CRMP1: variants seen among roughly 807,000 people sequenced by gnomAD.
CRMP1 encodes dihydropyrimidinase-related protein 1.
CRMP1 carries 19 observed loss-of-function variants against 68.3 expected under a neutral mutation model. The ratio of observed to expected loss-of-function variants is 0.28; its 90% confidence interval spans 0.19 to 0.41. The LOEUF is 0.41. Among genes scored for constraint, CRMP1 ranks in the 10% least tolerant of loss-of-function variants. The probability of loss-of-function intolerance (pLI) is 1.00; values close to 1 mark genes in which losing one functional copy is unlikely to be tolerated. For missense variants in CRMP1, 791 were observed against 967.4 expected (o/e 0.82, Z 2.42); for synonymous variants, 439 against 399.6 (o/e 1.10, Z -1.18).
Position 5,872,037 on chromosome 4 carries a change from C to G in CRMP1, c.382-5281G>C, listed in dbSNP as rs907445687. Among the ~76,000 whole-genome samples the G allele has an allele frequency of 2.0e-5, 3 of 152,178 alleles. No homozygotes were observed. The highest frequency in any genetic ancestry group is 6.5e-5 in the Admixed American group (1 of 15,272). ...GGCTAGAGCCAAGGGTTCCTAATGGCCTGTCCAGCATTCCAGCCACCAAGC... is the reference window on the plus strand; with the variant it reads ...GGCTAGAGCCAAGGGTTCCTAATGGGCTGTCCAGCATTCCAGCCACCAAGC... On this transcript the variant is annotated intron_variant, in intron 1 of 13. Coordinates refer to ENST00000324989, the MANE Select transcript of CRMP1 (RefSeq NM_001014809.3). This position sits in a 1 kb window ranked among gnomAD's most constrained non-coding sequence, Gnocchi z 4.6.
chr4:5,840,730 C>G (rs1043129128), intron 8 of CRMP1, among the ~76,000 whole-genome samples: 1 of 152,204 alleles, frequency 6.6e-6, no homozygotes, highest in African/African-American at 2.4e-5. Flanking sequence ...TTACCCGCTC[C>G]CGGCTGGTAC....
chr4:5,857,248 A>G (rs1328080704), intron 3 of CRMP1, among the ~76,000 whole-genome samples: 3 of 151,622 alleles, frequency 2.0e-5, no homozygotes, highest in African/African-American at 7.3e-5. Flanking sequence ...CACCATCATC[A>G]TCATCACTAT....
chr4:5,869,797 C>G (rs1021716805), intron 1 of CRMP1, among the ~76,000 whole-genome samples: 2 of 151,978 alleles, frequency 1.3e-5, no homozygotes, highest in Admixed American at 1.3e-4. Context: ...GGTGGTACAT[C>G]TGGGAGGTGG....
chr4:5,888,214 CG>C lies in CRMP1; in HGVS notation c.381+4374del, dbSNP rs1192870277. On this transcript the variant is annotated intron_variant, in intron 1 of 13. Coordinates refer to ENST00000324989, the MANE Select transcript of CRMP1 (RefSeq NM_001014809.3). The surrounding 1 kb of genome is among the most constrained non-coding windows in gnomAD (Gnocchi z 6.4). ...AAAGGCCAGCGCGGGGCGGCGGGGG[CG>C]GGGGCCGCTTACCGTGATGTGCGGG... 6.3e-6 allele frequency: 8 copies of C among 1,263,736 alleles called. No homozygotes were observed. Among genetic ancestry groups the C allele is most frequent in the Non-Finnish European group, 6.0e-6 (6 of 1,000,018 alleles). 78.3% of individuals were successfully genotyped at this position (1,263,736 alleles called of 1,614,324 possible).
intron 9 of CRMP1, among the ~76,000 whole-genome samples, chr4:5,837,937 G>T (rs1443269304): frequency 6.6e-6 from 1 of 152,192 alleles, no homozygotes; most frequent in Non-Finnish European, 1.5e-5. Context: ...GCATGTGTCA[G>T]CTATACTGAG....
Position 5,879,657 on chromosome 4 carries a change from T to C in CRMP1, c.382-12901A>G, listed in dbSNP as rs1011010405. Among the ~76,000 whole-genome samples, 1 of 152,182 alleles carries C rather than the reference T, an allele frequency of 6.6e-6. No homozygotes were observed. On this transcript the variant is annotated intron_variant, in intron 1 of 13. Coordinates refer to ENST00000324989, the MANE Select transcript of CRMP1 (RefSeq NM_001014809.3). The surrounding 1 kb of genome is among the most constrained non-coding windows in gnomAD (Gnocchi z 4.2). ...GAACACTGTCCTATGAAGTTTAACATTCTATGCCAAATGCTCTAACATTCT... is the reference window on the plus strand; with the variant it reads ...GAACACTGTCCTATGAAGTTTAACACTCTATGCCAAATGCTCTAACATTCT...
chr4:5,865,957 G>T lies in CRMP1; in HGVS notation c.470+711C>A, dbSNP rs1489027228. Among the ~76,000 whole-genome samples, 1 of 152,142 alleles carries T rather than the reference G, an allele frequency of 6.6e-6. No individual in the cohort carries two copies. The highest frequency in any genetic ancestry group is 1.9e-4 in the East Asian group (1 of 5,184). On this transcript the variant is annotated intron_variant, in intron 2 of 13. Transcript: ENST00000324989. This position sits in a 1 kb window ranked among gnomAD's most constrained non-coding sequence, Gnocchi z 4.1. ...AGGAAGAACCTCAGGAAGAAGTTCA[G>T]GAAGGCCTCAGGAAGAACCAACCCT...
Position 5,892,646 on chromosome 4 carries a change from C to A in CRMP1, c.324G>T (p.Thr108=). 8.4e-7 allele frequency: 1 copy of A among 1,192,984 alleles called. No individual in the cohort carries two copies. The highest frequency in any genetic ancestry group is 1.0e-6 in the Non-Finnish European group (1 of 962,984). The allele number at this position is 1,192,984 out of a possible 1,614,324, so 73.9% of individuals were successfully genotyped here. ...GGGGCGCGGGGCGGCGGATGCGCAGCGTCGGCGGCCGCTCGTCGCGCTCTC... is the reference window on the plus strand; with the variant it reads ...GGGGCGCGGGGCGGCGGATGCGCAGAGTCGGCGGCCGCTCGTCGCGCTCTC... The part of the protein sequence containing the change: ...SPGERDERPP[T]LRIRRPAPRD... Residue 108 remains threonine, a synonymous_variant, in exon 1 of 14, where the codon ACG becomes ACT. Transcript: ENST00000324989. The surrounding 1 kb of genome is among the most constrained non-coding windows in gnomAD (Gnocchi z 8.6).
rs1185230868 is a variant in CRMP1 at position 5,877,919 on chromosome 4, C to T, written c.382-11163G>A. ...GGCCTGCACGCTGCATAGGGAAAGA[C>T]GATGCTAGCTGCATGTGTGATCGGT... is the stretch of plus-strand genomic sequence containing the variant. On this transcript the variant is annotated intron_variant, in intron 1 of 13. Coordinates refer to ENST00000324989, the MANE Select transcript of CRMP1 (RefSeq NM_001014809.3). The surrounding 1 kb of genome is among the most constrained non-coding windows in gnomAD (Gnocchi z 4.3). Among the ~76,000 whole-genome samples the T allele has an allele frequency of 1.3e-5, 2 of 152,210 alleles. No individual in the cohort carries two copies. Among genetic ancestry groups the T allele is most frequent in the Non-Finnish European group, 2.9e-5 (2 of 68,046 alleles).
chr4:5,837,978 G>C (rs748341551), intron 9 of CRMP1, among the ~76,000 whole-genome samples: 1 of 152,204 alleles, frequency 6.6e-6, no homozygotes, highest in Admixed American at 6.5e-5. Context: ...AAGCAGAGGC[G>C]AATGGGGCAC....
chr4:5,875,887 T>G (rs1225243141), intron 1 of CRMP1, among the ~76,000 whole-genome samples: 1 of 152,152 alleles, frequency 6.6e-6, no homozygotes, highest in Non-Finnish European at 1.5e-5. Flanking sequence ...GCGCGGTGGC[T>G]CACACCTGTA....
intron 11 of CRMP1, among the ~76,000 whole-genome samples, chr4:5,830,967 TTTGG>T (rs1367955554): frequency 6.6e-6 from 1 of 152,100 alleles, no homozygotes; most frequent in Non-Finnish European, 1.5e-5. Context: ...TGTTTGTTTG[TTTGG>T]TTGTTTTGAG....
chr4:5,845,629 C>T (rs541644870), intron 6 of CRMP1, among the ~76,000 whole-genome samples: 37 of 152,292 alleles, frequency 2.4e-4, no homozygotes, highest in Admixed American at 7.2e-4. Flanking sequence ...GAGTCCAGAC[C>T]CACAGGACCA....
At position 5,893,000 on chromosome 4, in the gene CRMP1, C is replaced by T. The variant is rs1716022225; in HGVS notation, c.-31G>A. The stretch of plus-strand genomic sequence containing the variant: ...TCCAAGGCCGGCCACCCACCGCGCT[C>T]CCGCCTGCCCGCCCGCGGCCCTGGG... On this transcript the variant is annotated 5_prime_UTR_variant, in exon 1 of 14. Transcript: ENST00000324989. This position sits in a 1 kb window ranked among gnomAD's most constrained non-coding sequence, Gnocchi z 8.6. 3.5e-6 allele frequency: 4 copies of T among 1,146,136 alleles called. No individual in the cohort carries two copies. In the East Asian group the frequency reaches 1.2e-4, roughly 36 times the overall value. The allele number at this position is 1,146,136 out of a possible 1,614,324, so 71.0% of individuals were successfully genotyped here.
rs576023077 is a variant in CRMP1, at chr4:5,887,773, T to C, written c.381+4816A>G. The C allele has an allele frequency of 1.4e-4, 143 of 987,260 alleles. No individual in the cohort carries two copies. The African/African-American group carries it at 2.4e-3, about 17-fold the overall frequency. 61.2% of individuals were successfully genotyped at this position (987,260 alleles called of 1,614,324 possible). On this transcript the variant is annotated intron_variant, in intron 1 of 13. Coordinates refer to ENST00000324989, the MANE Select transcript of CRMP1 (RefSeq NM_001014809.3). ...AGTGGGGAGCGCTGGATGATCTTTT[T>C]CCCTCCTCCAGCGGGGGAGGTACCG...
chr4:5,841,042 T>A lies in CRMP1; in HGVS notation c.1153+266A>T, dbSNP rs760030846. On this transcript the variant is annotated intron_variant, in intron 8 of 13. Transcript: ENST00000324989. The surrounding 1 kb of genome is among the most constrained non-coding windows in gnomAD (Gnocchi z 6.9). Reference sequence around the variant, plus strand: ...ATTAATGATTTTTACATTGATGACATGCTGAATTAATATGTGGATCCATTA... The same window carrying A: ...ATTAATGATTTTTACATTGATGACAAGCTGAATTAATATGTGGATCCATTA... Among the ~76,000 whole-genome samples, 23 of 152,204 alleles carry A rather than the reference T, an allele frequency of 1.5e-4. No homozygotes were observed. The highest frequency in any genetic ancestry group is 2.6e-4 in the Non-Finnish European group (18 of 68,028).
chr4:5,887,598 G>A lies in CRMP1; in HGVS notation c.381+4991C>T, dbSNP rs192731377. On this transcript the variant is annotated intron_variant, in intron 1 of 13. Coordinates refer to ENST00000324989, the MANE Select transcript of CRMP1 (RefSeq NM_001014809.3). The stretch of plus-strand genomic sequence containing the variant: ...TCCACCACCGTCCCCACCCTCTCGC[G>A]GCCCAGCGTCGGGAACATTAACCCT... The A allele has an allele frequency of 4.7e-4, 462 of 984,946 alleles. 1 individual carries two copies. The African/African-American group carries it at 7.5e-3, about 16-fold the overall frequency. 61.0% of individuals were successfully genotyped at this position (984,946 alleles called of 1,614,324 possible).
chr4:5,840,345 G>T (rs937955829), intron 8 of CRMP1, among the ~76,000 whole-genome samples: 3 of 152,198 alleles, frequency 2.0e-5, no homozygotes, highest in Non-Finnish European at 4.4e-5. Context: ...GCTTCTTCCA[G>T]AAAAGCCTGC....
chr4:5,876,216 T>C (rs1207013231), intron 1 of CRMP1, among the ~76,000 whole-genome samples: 2 of 152,092 alleles, frequency 1.3e-5, no homozygotes, highest in Non-Finnish European at 2.9e-5. Context: ...AAAATAATCA[T>C]GACTTATGTT....
Sources: gnomAD v4.1 joint callset for allele counts (sites outside exome capture counted in the v4.1 genomes callset) on GRCh38, gnomAD v4.1.1 for gene constraint, Gnocchi (gnomAD v3.1) non-coding constraint, MANE v1.5 for transcripts, NCBI Gene and HGNC (gene_info 2026-07-23, HGNC 2026-07-21) for gene names.